Variants in TRPC4 observed in about 807,000 individuals in gnomAD.
TRPC4 encodes the protein short transient receptor potential channel 4.
Under a neutral mutation model 99.4 loss-of-function variants are expected in TRPC4, and 49 were observed. That is an observed-to-expected ratio of 0.49 (90% CI 0.39 to 0.63). TRPC4 has a LOEUF of 0.63. TRPC4 is among the 20% of genes least tolerant of loss of function. TRPC4 has a pLI of 0.00. For missense variants in TRPC4, 898 were observed against 1,152.9 expected (o/e 0.78, Z 3.20); for synonymous variants, 454 against 425.9 (o/e 1.07, Z -0.81).
At chr13:37,676,204 G>A (rs183229130) in intron 4 of TRPC4, among the ~76,000 whole-genome samples, 152 of 150,046 alleles carry the variant, frequency 1.0e-3, no homozygotes, top group Non-Finnish European at 1.6e-3. Context: ...ACACCAAACC[G>A]TGATGCATCA....
intron 3 of TRPC4, among the ~76,000 whole-genome samples, chr13:37,707,648 A>G (rs970581593): frequency 7.9e-5 from 12 of 152,082 alleles, no homozygotes; most frequent in African/African-American, 2.9e-4. Context: ...CACCACCATA[A>G]CTACTGCAAT....
intron 2 of TRPC4, among the ~76,000 whole-genome samples, chr13:37,766,324 G>A (rs1956365271): frequency 1.3e-5 from 2 of 151,478 alleles, no homozygotes; most frequent in South Asian, 4.1e-4. Context: ...TGGAGCATGT[G>A]GATGTATAGA....
intron 3 of TRPC4, among the ~76,000 whole-genome samples, chr13:37,745,633 C>T (rs1168375586): frequency 6.6e-6 from 1 of 150,860 alleles, no homozygotes; most frequent in Non-Finnish European, 1.5e-5. Flanking sequence ...CCTAAAGTTA[C>T]AAGACTTATA....
chr13:37,823,655 T>C (rs1958095593), intron 1 of TRPC4, among the ~76,000 whole-genome samples: 3 of 150,762 alleles, frequency 2.0e-5, no homozygotes, highest in Admixed American at 2.0e-4. Flanking sequence ...ACCAGTACCA[T>C]GCTGTTTTGG....
At chr13:37,862,268 T>A (rs1593339747) in intron 1 of TRPC4, among the ~76,000 whole-genome samples, 1 of 151,444 alleles carries the variant, frequency 6.6e-6, no homozygotes, top group East Asian at 1.9e-4. Context: ...TGGTTCCATG[T>A]GGGGTAGGGT....
rs59528300 is a variant in TRPC4, at chr13:37,639,744, C to CATATATATATATATATATATAT, written c.2080-446_2080-445insATATATATATATATATATATAT. Among the ~76,000 whole-genome samples the CATATATATATATATATATATAT allele has an allele frequency of 1.4e-3, 206 of 146,782 alleles. 2 individuals are homozygous for CATATATATATATATATATATAT. The highest frequency in any genetic ancestry group is 5.1e-3 in the African/African-American group (199 of 39,400). ...CTCATTAGTCACTGAACTCTCCAATCATATATATATATATATAATATCAAT... is the reference window on the plus strand; with the variant it reads ...CTCATTAGTCACTGAACTCTCCAATCATATATATATATATATATATATATATATATATATATATAATATCAAT... On this transcript the variant is annotated intron_variant, in intron 8 of 10. Coordinates refer to ENST00000379705, the MANE Select transcript of TRPC4 (RefSeq NM_016179.4).
At chr13:37,681,764 T>C (rs1953247735) in intron 4 of TRPC4, among the ~76,000 whole-genome samples, 1 of 152,170 alleles carries the variant, frequency 6.6e-6, no homozygotes, top group Non-Finnish European at 1.5e-5. Flanking sequence ...AATGGGAACA[T>C]TTCGAAATTG....
intron 3 of TRPC4, among the ~76,000 whole-genome samples, chr13:37,728,736 A>G (rs555734048): frequency 6.6e-6 from 1 of 152,194 alleles, no homozygotes; most frequent in African/African-American, 2.4e-5. Flanking sequence ...AATCTTGATA[A>G]AGAAGAACAA....
chr13:37,769,703 A>G (rs1956495309), intron 2 of TRPC4, among the ~76,000 whole-genome samples: 1 of 151,580 alleles, frequency 6.6e-6, no homozygotes, highest in African/African-American at 2.4e-5. Context: ...CTAGAAGCCT[A>G]TCCTCAGAGA....
chr13:37,668,473 A>G (rs190256968), intron 5 of TRPC4, among the ~76,000 whole-genome samples: 1 of 152,208 alleles, frequency 6.6e-6, no homozygotes, highest in Non-Finnish European at 1.5e-5. Context: ...TGGTTAGAGA[A>G]TATGGATCAT....
chr13:37,715,508 A>G (rs1954631768), intron 3 of TRPC4, among the ~76,000 whole-genome samples: 1 of 152,192 alleles, frequency 6.6e-6, no homozygotes. Flanking sequence ...GGATGTGAAG[A>G]GCTTATTACA....
chr13:37,823,752 C>T lies in TRPC4; in HGVS notation c.-27-40392G>A, dbSNP rs1266897229. On this transcript the variant is annotated intron_variant, in intron 1 of 10. Transcript: ENST00000379705. ...TTGGCTTAGGATTGACTTGGCGATG[C>T]GGGCTCTTTTTTGTTCCATATGAAC... 8.3e-5 allele frequency among the ~76,000 whole-genome samples: 12 copies of T among 144,520 alleles called. No homozygotes were observed. In the South Asian group the frequency reaches 1.1e-3, roughly 13 times the overall value. 94.8% of individuals were successfully genotyped at this position (144,520 alleles called of 152,430 possible).
chr13:37,859,146 G>A (rs2139708785), intron 1 of TRPC4, among the ~76,000 whole-genome samples: 1 of 151,236 alleles, frequency 6.6e-6, no homozygotes, highest in East Asian at 1.9e-4. Context: ...GAAAAAAGAG[G>A]ATTCATAAAT....
chr13:37,836,538 T>G (rs1958571555), intron 1 of TRPC4, among the ~76,000 whole-genome samples: 1 of 152,180 alleles, frequency 6.6e-6, no homozygotes, highest in Admixed American at 6.5e-5. Flanking sequence ...TTGTTATGTT[T>G]TAGCAAAGAG....
intron 1 of TRPC4, among the ~76,000 whole-genome samples, chr13:37,851,608 CATTCAT>C (rs1466657714): frequency 3.3e-5 from 5 of 152,032 alleles, no homozygotes; most frequent in African/African-American, 9.7e-5. Flanking sequence ...AAGCCTACAC[CATTCAT>C]ATTCCTAACA....
At chr13:37,782,933 A>G (rs1285396942) in intron 2 of TRPC4, 23 bp downstream of exon 2, 1 of 1,426,140 alleles carries the variant, frequency 7.0e-7, no homozygotes, top group African/African-American at 1.4e-5. Context: ...AAAATAAATT[A>G]AAAACTGTAT....
chr13:37,712,324 C>T (rs1362415086), intron 3 of TRPC4, among the ~76,000 whole-genome samples: 2 of 152,074 alleles, frequency 1.3e-5, no homozygotes, highest in Non-Finnish European at 2.9e-5. Context: ...CTTATAGAGC[C>T]CCTTTTATAG....
At chr13:37,811,856 A>T (rs958809765) in intron 1 of TRPC4, among the ~76,000 whole-genome samples, 1 of 152,018 alleles carries the variant, frequency 6.6e-6, no homozygotes, top group Non-Finnish European at 1.5e-5. Context: ...CTAGTTCTGA[A>T]AATAAATATT....
chr13:37,645,839 C>T (rs935861636), intron 8 of TRPC4, among the ~76,000 whole-genome samples: 5 of 152,192 alleles, frequency 3.3e-5, no homozygotes, highest in African/African-American at 1.2e-4. Context: ...TTCAGGAACT[C>T]ACTCTTGAAA....
Sources: gnomAD v4.1 joint callset for allele counts (sites outside exome capture counted in the v4.1 genomes callset) on GRCh38, gnomAD v4.1.1 for gene constraint, MANE v1.5 for transcripts, NCBI Gene and HGNC (gene_info 2026-07-23, HGNC 2026-07-21) for gene names.